The following STARD9 variants were observed in gnomAD, a reference collection of about 807,000 sequenced individuals.
STARD9 encodes the protein stAR-related lipid transfer protein 9.
A neutral mutation model predicts 399.8 loss-of-function variants in STARD9; 346 were observed. That is an observed-to-expected ratio of 0.87 (90% CI 0.79 to 0.95). The LOEUF (loss-of-function observed/expected upper bound fraction) is 0.95. STARD9 is among the 40% of genes least tolerant of loss of function. The pLI is 0.00. For synonymous variants in STARD9, 2,203 were observed against 2,143.5 expected, an observed-to-expected ratio of 1.03 and a Z score of -0.77; for missense variants, 5,832 against 5,667.5, an observed-to-expected ratio of 1.03 and a Z score of -0.93.
At position 42,691,735 on chromosome 15, in the gene STARD9, C is replaced by G; in HGVS notation, c.10157C>G (p.Ala3386Gly). 6.5e-7 allele frequency: 1 copy of G among 1,537,232 alleles called. No homozygotes were observed. The highest frequency in any genetic ancestry group is 2.4e-5 in the East Asian group (1 of 40,918). Reference protein sequence around the residue: ...SLQAEDSNQKASSRLDDGTTD... With the variant: ...SLQAEDSNQKGSSRLDDGTTD... ...CAGGCTGAGGACAGCAATCAGAAAG[C>G]CTCATCTCGCTTGGATGATGGGACT... is the stretch of plus-strand genomic sequence containing the variant. Residue 3386 changes from alanine to glycine, a missense_variant, in exon 23 of 33, where the codon GCC becomes GGC. This residue lies in a region of STARD9 where 5,828 missense variants were observed against 5,651.1 expected (regional missense o/e 1.03). Coordinates refer to ENST00000290607, the MANE Select transcript of STARD9 (RefSeq NM_020759.3).
At chr15:42,599,009 C>T (rs937552054) in intron 3 of STARD9, among the ~76,000 whole-genome samples, 4 of 152,070 alleles carry the variant, frequency 2.6e-5, no homozygotes, top group Admixed American at 1.3e-4. Context: ...CTGCAACCTC[C>T]GCCTCCCAGG....
chr15:42,659,582 A>G (rs1364127654), intron 9 of STARD9, among the ~76,000 whole-genome samples: 1 of 152,200 alleles, frequency 6.6e-6, no homozygotes, highest in Non-Finnish European at 1.5e-5. Context: ...CTGGAGGGGC[A>G]GTGGCGCGAT....
chr15:42,661,092 A>G, intron 9 of STARD9, 66 bp from the exon 10 acceptor site: 1 of 1,193,878 alleles, frequency 8.4e-7, no homozygotes, highest in Non-Finnish European at 1.2e-6. Context: ...CTTGGTTAGA[A>G]GAGTTCTAAG....
chr15:42,701,437 C>T lies in STARD9; in HGVS notation c.13284+5557C>T, dbSNP rs116982229. Reference sequence around the variant, plus strand: ...TCTTTCATCCGTGTTTTACGGTTTTCGTTGTAGAGATCTTTCACCTCTTTG... The same window carrying T: ...TCTTTCATCCGTGTTTTACGGTTTTTGTTGTAGAGATCTTTCACCTCTTTG... On this transcript the variant is annotated intron_variant, in intron 26 of 32. Coordinates refer to ENST00000290607, the MANE Select transcript of STARD9 (RefSeq NM_020759.3). Among the ~76,000 whole-genome samples the T allele has an allele frequency of 2.1e-4, 32 of 152,188 alleles. No individual in the cohort carries two copies. In the East Asian group the frequency reaches 4.6e-3, roughly 22 times the overall value.
chr15:42,609,061 G>T (rs1056495010), intron 3 of STARD9, among the ~76,000 whole-genome samples: 1 of 151,948 alleles, frequency 6.6e-6, no homozygotes, highest in Non-Finnish European at 1.5e-5. Flanking sequence ...TGACAGTTCC[G>T]GGCATCCCTA....
intron 3 of STARD9, among the ~76,000 whole-genome samples, chr15:42,630,602 A>G (rs2059313756): frequency 6.6e-6 from 1 of 152,064 alleles, no homozygotes; most frequent in African/African-American, 2.4e-5. Flanking sequence ...TTACAGCTTC[A>G]TTACTTGTTA....
chr15:42,628,024 T>A (rs2059259703), intron 3 of STARD9, among the ~76,000 whole-genome samples: 2 of 152,214 alleles, frequency 1.3e-5, no homozygotes, highest in Non-Finnish European at 2.9e-5. Flanking sequence ...TTCTCCATAG[T>A]GGCTGTACTA....
intron 26 of STARD9, among the ~76,000 whole-genome samples, chr15:42,712,985 G>T (rs2061277730): frequency 6.6e-6 from 1 of 152,198 alleles, no homozygotes; most frequent in Non-Finnish European, 1.5e-5. Flanking sequence ...TTTCTGCAAA[G>T]AAGTCAGCTG....
At chr15:42,585,194 A>C (rs773165646) in intron 2 of STARD9, among the ~76,000 whole-genome samples, 32 of 152,320 alleles carry the variant, frequency 2.1e-4, no homozygotes, top group Admixed American at 1.9e-3. Flanking sequence ...GGTCCCAAGC[A>C]TTTCAAAGAA....
rs112210775 is a variant in STARD9 at position 42,646,932 on chromosome 15, G to A, written c.560-4084G>A. Among the ~76,000 whole-genome samples the A allele has an allele frequency of 5.9e-3, 900 of 152,294 alleles. 10 individuals carry two copies. The highest frequency in any genetic ancestry group is 0.02 in the African/African-American group (848 of 41,558). ...CATTTCAATATTGTTGTGTCTCAGG[G>A]AATAGGGAGGCCTGAGTAGAGGGAG... On this transcript the variant is annotated intron_variant, in intron 7 of 32. Transcript: ENST00000290607.
At chr15:42,632,083 A>G (rs1243586571) in intron 3 of STARD9, among the ~76,000 whole-genome samples, 1 of 152,122 alleles carries the variant, frequency 6.6e-6, no homozygotes, top group Non-Finnish European at 1.5e-5. Context: ...CTCTCTCTTT[A>G]GCTCTAATAA....
At chr15:42,586,843 T>TC (rs1459476591) in intron 3 of STARD9, among the ~76,000 whole-genome samples, 3 of 150,956 alleles carry the variant, frequency 2.0e-5, no homozygotes, top group Non-Finnish European at 4.4e-5. Context: ...CATAAAACTT[T>TC]TTTTTTTTTT....
intron 8 of STARD9, 122 bp downstream of exon 8, chr15:42,651,207 A>T: frequency 1.7e-6 from 1 of 599,560 alleles, no homozygotes; most frequent in African/African-American, 1.9e-5. Context: ...GATGTTCACA[A>T]CCAGGAGGCT....
At chr15:42,711,888 A>C (rs1555410868) in intron 26 of STARD9, among the ~76,000 whole-genome samples, 2 of 148,094 alleles carry the variant, frequency 1.4e-5, no homozygotes, top group Non-Finnish European at 3.0e-5. Flanking sequence ...TGTTTTTCAC[A>C]GTGGCTGTCC....
At position 42,688,604 on chromosome 15, in the gene STARD9, G is replaced by A. The variant is rs1261972845; in HGVS notation, c.7026G>A (p.Trp2342Ter). 5 of 1,537,490 alleles carry A rather than the reference G, an allele frequency of 3.3e-6. No homozygotes were observed. Among genetic ancestry groups the A allele is most frequent in the Non-Finnish European group, 4.4e-6 (5 of 1,146,974 alleles). Residue 2342 changes from tryptophan (W) to a stop codon, truncating the protein, a stop_gained, in exon 23 of 33, where the codon TGG (tryptophan) becomes TGA (stop). Transcript: ENST00000290607. LOFTEE classifies it high-confidence loss of function. The part of the protein sequence containing the change: ...SNTLPLNSPR[W>*]PRRCLHVPVA... ...CCTTGCCCTTGAATTCTCCAAGGTGGCCAAGAAGGTGTCTTCATGTACCTG... is the reference window on the plus strand; with the variant it reads ...CCTTGCCCTTGAATTCTCCAAGGTGACCAAGAAGGTGTCTTCATGTACCTG...
At chr15:42,598,775 T>A (rs1412767416) in intron 3 of STARD9, among the ~76,000 whole-genome samples, 1 of 152,216 alleles carries the variant, frequency 6.6e-6, no homozygotes, top group South Asian at 2.1e-4. Flanking sequence ...GTTGTAATTT[T>A]CTTACTGTAT....
Position 42,684,933 on chromosome 15 carries a change from G to A in STARD9, c.3355G>A (p.Ala1119Thr). Residue 1119 changes from alanine to threonine, a missense_variant, in exon 23 of 33, where the codon GCC becomes ACC. Transcript: ENST00000290607. ...TTCTCTCTCATGTGTCTATGCCAAAGCCCTGATAGAGCCACTGAAGCCAGA... is the reference window on the plus strand; with the variant it reads ...TTCTCTCTCATGTGTCTATGCCAAAACCCTGATAGAGCCACTGAAGCCAGA... ...LDSLSCVYAKALIEPLKPEER... is the reference protein window; with the variant it reads ...LDSLSCVYAKTLIEPLKPEER... 1 of 1,537,060 alleles carries A rather than the reference G, an allele frequency of 6.5e-7. No individual in the cohort carries two copies. The highest frequency in any genetic ancestry group is 8.7e-7 in the Non-Finnish European group (1 of 1,146,922).
Position 42,684,322 on chromosome 15 carries a change from C to A in STARD9, c.2744C>A (p.Ala915Asp). The A allele has an allele frequency of 1.3e-6, 2 of 1,536,616 alleles. No homozygotes were observed. The highest frequency in any genetic ancestry group is 1.7e-6 in the Non-Finnish European group (2 of 1,146,536). Reference sequence around the variant, plus strand: ...AGAGCAGCCTTGGCCAGGAAGGGAGCCTCAGCTCCAGACGCTTGCCTCACC... The same window carrying A: ...AGAGCAGCCTTGGCCAGGAAGGGAGACTCAGCTCCAGACGCTTGCCTCACC... ...TARAALARKGASAPDACLTMS... is the reference protein window; with the variant it reads ...TARAALARKGDSAPDACLTMS... The change falls in exon 23 of 33, where the codon GCC (alanine) becomes GAC (aspartate). Residue 915 changes from alanine to aspartate, a missense_variant. By Grantham distance (126) the Ala-to-Asp change is moderately radical (BLOSUM62 -2). Transcript: ENST00000290607.
chr15:42,592,879 A>G (rs759894734), intron 3 of STARD9, among the ~76,000 whole-genome samples: 5 of 152,170 alleles, frequency 3.3e-5, no homozygotes, highest in Non-Finnish European at 5.9e-5. Context: ...ATTAAAGTCA[A>G]TTTGCTTCTC....
Sources: gnomAD v4.1 joint callset for allele counts (sites outside exome capture counted in the v4.1 genomes callset) on GRCh38, gnomAD v4.1.1 for gene constraint, gnomAD v4.1.1 regional missense constraint, MANE v1.5 for transcripts, NCBI Gene and HGNC (gene_info 2026-07-23, HGNC 2026-07-21) for gene names.